Variants in VOPP1 observed in about 807,000 individuals in gnomAD.
The protein encoded by VOPP1 is VOPP1 WW domain binding protein.
In VOPP1, 8 loss-of-function variants were observed where a neutral mutation model predicts 23.5. That is an observed-to-expected ratio of 0.34 (90% confidence interval 0.20 to 0.61). The LOEUF (loss-of-function observed/expected upper bound fraction) is 0.61. VOPP1 is among the 20% of genes least tolerant of loss of function. VOPP1 has a pLI of 0.78. For missense variants in VOPP1, 174 were observed against 238.1 expected, an observed-to-expected ratio of 0.73 and a Z score of 1.77; for synonymous variants, 83 against 97.3, an observed-to-expected ratio of 0.85 and a Z score of 0.86.
intron 4 of VOPP1, among the ~76,000 whole-genome samples, chr7:55,486,179 T>C (rs1793129638): frequency 6.6e-6 from 1 of 152,240 alleles, no homozygotes; most frequent in African/African-American, 2.4e-5. Flanking sequence ...TTCCCACTGA[T>C]CAAAGATCAT....
chr7:55,465,799 C>T (rs759909878), downstream of VOPP1, among the ~76,000 whole-genome samples: 1 of 152,164 alleles, frequency 6.6e-6, no homozygotes, highest in South Asian at 2.1e-4. Context: ...ATCTTCAGAG[C>T]CCACAGTCTT....
intron 1 of VOPP1, among the ~76,000 whole-genome samples, chr7:55,556,641 C>CA (rs1231206674): frequency 6.6e-6 from 1 of 150,900 alleles, no homozygotes; most frequent in East Asian, 1.9e-4. Flanking sequence ...TTGGAACCCC[C>CA]CCCCAAAACA....
downstream of VOPP1, among the ~76,000 whole-genome samples, chr7:55,435,676 T>G (rs939542712): frequency 6.6e-6 from 1 of 152,234 alleles, no homozygotes; most frequent in Non-Finnish European, 1.5e-5. Flanking sequence ...TTACCCAGGC[T>G]GCAGCTCCCC....
At chr7:55,489,857 TTAAAGCTGG>T (rs1310834742) in intron 4 of VOPP1, among the ~76,000 whole-genome samples, 1 of 151,990 alleles carries the variant, frequency 6.6e-6, no homozygotes, top group Non-Finnish European at 1.5e-5. Context: ...ACATGGAGCA[TTAAAGCTGG>T]TAAAGCCCCT....
Position 55,532,270 on chromosome 7 carries a change from C to T in VOPP1, c.55-11140G>A, listed in dbSNP as rs919234032. Among the ~76,000 whole-genome samples, 3 of 152,378 alleles carry T rather than the reference C, an allele frequency of 2.0e-5. No homozygotes were observed. The East Asian group carries it at 5.8e-4, about 29-fold the overall frequency. ...CACCTGCCGCATGCCTGCTTCTGTG[C>T]CTGAACAGTGACCCAACCATGGTCA... On this transcript the variant is annotated intron_variant, in intron 1 of 4. Coordinates refer to ENST00000285279, the MANE Select transcript of VOPP1 (RefSeq NM_030796.5).
chr7:55,443,222 T>A (rs1446223084), intron 4 of VOPP1, among the ~76,000 whole-genome samples: 1 of 152,174 alleles, frequency 6.6e-6, no homozygotes, highest in South Asian at 2.1e-4. Flanking sequence ...TCTCATGCTA[T>A]GAACCTTATT....
At chr7:55,435,174 G>T (rs1216863207), downstream of VOPP1, among the ~76,000 whole-genome samples, 2 of 152,174 alleles carry the variant, frequency 1.3e-5, no homozygotes, top group East Asian at 3.9e-4. Flanking sequence ...GTCCTCAGGA[G>T]GCATTGAGCC....
chr7:55,519,589 C>T (rs1795704706), intron 2 of VOPP1, among the ~76,000 whole-genome samples: 1 of 148,904 alleles, frequency 6.7e-6, no homozygotes, highest in Non-Finnish European at 1.5e-5. Flanking sequence ...ATCCCACAAC[C>T]ACTTCTCTTC....
chr7:55,469,168 G>A (rs1051495678), downstream of VOPP1, among the ~76,000 whole-genome samples: 4 of 151,998 alleles, frequency 2.6e-5, no homozygotes, highest in African/African-American at 9.7e-5. Context: ...TTTTGTAGTC[G>A]AGCATTTGAG....
intron 4 of VOPP1, among the ~76,000 whole-genome samples, chr7:55,455,888 C>G (rs1017323744): frequency 6.6e-6 from 1 of 152,176 alleles, no homozygotes; most frequent in African/African-American, 2.4e-5. Context: ...AGGACATAGG[C>G]ATGGGCAAAG....
chr7:55,497,066 A>G (rs1254006185), intron 3 of VOPP1, among the ~76,000 whole-genome samples: 1 of 152,174 alleles, frequency 6.6e-6, no homozygotes, highest in African/African-American at 2.4e-5. Context: ...CCCCCCATGG[A>G]ATGTGCTCCC....
At chr7:55,483,742 CACA>C (rs979681362) in intron 4 of VOPP1, among the ~76,000 whole-genome samples, 3 of 152,210 alleles carry the variant, frequency 2.0e-5, no homozygotes, top group Non-Finnish European at 2.9e-5. Flanking sequence ...TTGATTTTAA[CACA>C]ACATGTTGGT....
intron 3 of VOPP1, among the ~76,000 whole-genome samples, chr7:55,494,128 A>G (rs1400111737): frequency 2.6e-5 from 4 of 152,182 alleles, no homozygotes; most frequent in Non-Finnish European, 5.9e-5. Context: ...GGGAGCCCGG[A>G]GACCCAAACC....
At chr7:55,513,963 G>A (rs553087367) in intron 2 of VOPP1, among the ~76,000 whole-genome samples, 3 of 152,300 alleles carry the variant, frequency 2.0e-5, no homozygotes, top group South Asian at 2.1e-4. Flanking sequence ...AACAGTCATC[G>A]TCTGAAGTCT....
downstream of VOPP1, among the ~76,000 whole-genome samples, chr7:55,467,336 G>A (rs1791658037): frequency 6.6e-6 from 1 of 152,224 alleles, no homozygotes; most frequent in African/African-American, 2.4e-5. Context: ...GAGTCAGGCA[G>A]GAGACCTCTG....
chr7:55,463,433 A>G (rs1215807609), intron 4 of VOPP1, among the ~76,000 whole-genome samples: 2 of 152,194 alleles, frequency 1.3e-5, no homozygotes, highest in Non-Finnish European at 2.9e-5. Flanking sequence ...TTTCATAGGA[A>G]AAGACTTTTC....
chr7:55,526,705 C>A (rs572583239), intron 1 of VOPP1: 28 of 152,368 alleles, frequency 1.8e-4, no homozygotes, highest in African/African-American at 6.7e-4. Context: ...TGCAAACCAG[C>A]AGCTCACTGA....
At chr7:55,570,291 G>A (rs1584141378) in intron 1 of VOPP1, among the ~76,000 whole-genome samples, 1 of 152,338 alleles carries the variant, frequency 6.6e-6, no homozygotes, top group Admixed American at 6.5e-5. Context: ...CGCCTCTCCA[G>A]CACAAAGTGG....
intron 1 of VOPP1, among the ~76,000 whole-genome samples, chr7:55,524,636 A>C (rs970388788): frequency 6.6e-6 from 1 of 152,222 alleles, no homozygotes; most frequent in South Asian, 2.1e-4. Flanking sequence ...AAATGAGGAC[A>C]CAGAAGTCCT....
Sources: allele counts gnomAD v4.1 joint callset (sites outside exome capture counted in the v4.1 genomes callset), GRCh38; gene constraint gnomAD v4.1.1; transcripts MANE v1.5; gene names NCBI Gene and HGNC (gene_info 2026-07-23, HGNC 2026-07-21).